Variants in UBE2D3 observed in about 807,000 individuals in gnomAD.
The protein encoded by UBE2D3 is ubiquitin-conjugating enzyme E2 D3.
A neutral mutation model predicts 22.8 loss-of-function variants in UBE2D3; 2 were observed. That is an observed-to-expected ratio of 0.09 (90% CI 0.04 to 0.28). The LOEUF (loss-of-function observed/expected upper bound fraction) is 0.28. Among genes scored for constraint, UBE2D3 ranks in the 10% least tolerant of loss-of-function variants. UBE2D3 has a pLI of 1.00. For missense variants in UBE2D3, 27 were observed against 182.5 expected (o/e 0.15, Z 4.91); for synonymous variants, 56 against 60.4 (o/e 0.93, Z 0.34).
intron 1 of UBE2D3, among the ~76,000 whole-genome samples, chr4:102,841,720 G>A (rs1232042793): frequency 6.6e-6 from 1 of 152,134 alleles, no homozygotes; most frequent in African/African-American, 2.4e-5. Flanking sequence ...ATATAAATAA[G>A]GATGCAGAAT....
chr4:102,808,586 T>TA (rs1560852287), intron 4 of UBE2D3, among the ~76,000 whole-genome samples: 1 of 151,920 alleles, frequency 6.6e-6, no homozygotes. Flanking sequence ...CCTCCCTGCT[T>TA]CAATTTCCCA....
At chr4:102,868,753 G>A (rs1733309229) in exon 1 of UBE2D3, 1 of 1,614,066 alleles carries the variant, frequency 6.2e-7, no homozygotes, top group African/African-American at 1.3e-5. Flanking sequence ...ATTCTCACAT[G>A]CTTATCTCAT....
chr4:102,818,022 C>T (rs1337163195), intron 2 of UBE2D3, among the ~76,000 whole-genome samples: 2 of 152,118 alleles, frequency 1.3e-5, no homozygotes, highest in Non-Finnish European at 2.9e-5. Flanking sequence ...GTGCCAAGAA[C>T]CAGAAGGAAC....
rs1307089048 is a variant in UBE2D3 at position 102,801,690 on chromosome 4, T to C, written c.199-131A>G. On this transcript the variant is annotated intron_variant, in intron 5 of 7. Transcript: ENST00000453744. ...TAGAAGTTCTAAATATTATAGAAAC[T>C]GATTTTTACAATCTGACCACAACCC... The C allele has an allele frequency of 9.6e-6, 7 of 726,216 alleles. No individual in the cohort carries two copies. The East Asian group carries it at 1.8e-4, about 19-fold the overall frequency. The allele number at this position is 726,216 out of a possible 1,614,324, so 45.0% of individuals were successfully genotyped here.
intron 1 of UBE2D3, among the ~76,000 whole-genome samples, chr4:102,864,560 T>C (rs937839517): frequency 2.6e-5 from 4 of 152,170 alleles, no homozygotes; most frequent in African/African-American, 9.7e-5. Flanking sequence ...AACCATTCAT[T>C]GAGTATATTA....
chr4:102,839,208 A>C (rs1311124777), intron 1 of UBE2D3, among the ~76,000 whole-genome samples: 1 of 152,248 alleles, frequency 6.6e-6, no homozygotes, highest in East Asian at 1.9e-4. Context: ...TTTAGGGTCT[A>C]AATGAAAGGC....
intron 2 of UBE2D3, chr4:102,810,794 ATT>A (rs1188813407): frequency 1.3e-5 from 2 of 152,136 alleles, no homozygotes; most frequent in Non-Finnish European, 2.9e-5. Context: ...TTATTAGAAT[ATT>A]TTTAAGATGG....
At chr4:102,843,272 A>G (rs1210406116) in intron 1 of UBE2D3, 1 of 152,104 alleles carries the variant, frequency 6.6e-6, no homozygotes, top group Admixed American at 6.6e-5. Context: ...GAGTAAGGCC[A>G]TATCTTCCTT....
At chr4:102,819,710 G>A (rs1560865574) in intron 2 of UBE2D3, 2 of 467,896 alleles carry the variant, frequency 4.3e-6, no homozygotes. Flanking sequence ...TCACCACGAT[G>A]TTCCACAAAT....
chr4:102,803,483 A>C (rs942237045), intron 4 of UBE2D3, among the ~76,000 whole-genome samples: 1 of 152,218 alleles, frequency 6.6e-6, no homozygotes, highest in African/African-American at 2.4e-5. Context: ...AGGCACATAA[A>C]AAACAGGCCT....
intron 1 of UBE2D3, among the ~76,000 whole-genome samples, chr4:102,860,851 G>A (rs1405988133): frequency 6.6e-6 from 1 of 151,840 alleles, no homozygotes; most frequent in Non-Finnish European, 1.5e-5. Flanking sequence ...GGAGTGCTGG[G>A]TGTGCTTGTC....
rs1297977961 is a variant in UBE2D3 at position 102,827,541 on chromosome 4, C to T, written c.-243G>A. 1 of 986,218 alleles carries T rather than the reference C, an allele frequency of 1.0e-6. No homozygotes were observed. Among genetic ancestry groups the T allele is most frequent in the Non-Finnish European group, 1.2e-6 (1 of 830,260 alleles). 61.1% of individuals were successfully genotyped at this position (986,218 alleles called of 1,614,324 possible). On this transcript the variant is annotated 5_prime_UTR_variant, in exon 1 of 8. Transcript: ENST00000453744. ...ACGACACAGCCACAAGATGTCCGCT[C>T]TGACGGAACTACTGCCAGCTGCCAC...
At chr4:102,864,492 A>C (rs1414446858) in intron 1 of UBE2D3, among the ~76,000 whole-genome samples, 1 of 146,350 alleles carries the variant, frequency 6.8e-6, no homozygotes, top group Non-Finnish European at 1.5e-5. Context: ...TGCTGAATTT[A>C]AGGTCTGAAA....
At chr4:102,806,826 T>C (rs1034229342) in intron 4 of UBE2D3, among the ~76,000 whole-genome samples, 4 of 152,090 alleles carry the variant, frequency 2.6e-5, no homozygotes, top group Non-Finnish European at 5.9e-5. Context: ...CTTAATACAG[T>C]ACCCCACGCC....
At chr4:102,862,085 TATGGAAGGTGATTTC>T (rs1732925933) in intron 1 of UBE2D3, among the ~76,000 whole-genome samples, 1 of 151,902 alleles carries the variant, frequency 6.6e-6, no homozygotes, top group Non-Finnish European at 1.5e-5. Context: ...CACAAAGTGT[TATGGAAGGTGATTTC>T]AAAATAGTTT....
intron 2 of UBE2D3, among the ~76,000 whole-genome samples, chr4:102,819,363 A>G (rs1330044387): frequency 6.6e-6 from 1 of 151,900 alleles, no homozygotes; most frequent in Non-Finnish European, 1.5e-5. Context: ...CCTTTCAAAG[A>G]GCTTATAAAT....
chr4:102,804,014 C>T (rs913340575), intron 4 of UBE2D3, among the ~76,000 whole-genome samples: 4 of 152,124 alleles, frequency 2.6e-5, no homozygotes, highest in African/African-American at 7.2e-5. Context: ...TGTGATCCAC[C>T]CATCTCGGCC....
At chr4:102,847,022 G>A (rs535413610) in intron 1 of UBE2D3, among the ~76,000 whole-genome samples, 1 of 152,226 alleles carries the variant, frequency 6.6e-6, no homozygotes, top group Admixed American at 6.5e-5. Context: ...AAGCCTCTAT[G>A]CATAGGAGCC....
At chr4:102,843,115 T>A (rs535025574) in intron 1 of UBE2D3, among the ~76,000 whole-genome samples, 1 of 151,980 alleles carries the variant, frequency 6.6e-6, no homozygotes, top group Non-Finnish European at 1.5e-5. Context: ...GTCTCAAAAT[T>A]ACCAGTTTTG....
Sources: allele counts gnomAD v4.1 joint callset (sites outside exome capture counted in the v4.1 genomes callset), GRCh38; gene constraint gnomAD v4.1.1; transcripts MANE v1.5; gene names NCBI Gene and HGNC (gene_info 2026-07-23, HGNC 2026-07-21).